Variants in SENP7 observed in about 807,000 individuals in gnomAD.
The protein encoded by SENP7 is SUMO specific peptidase 7.
A neutral mutation model predicts 141.2 loss-of-function variants in SENP7; 64 were observed. The observed-to-expected ratio is 0.45, with a 90% CI of 0.37 to 0.56. The LOEUF is 0.56. SENP7 is among the 20% of genes least tolerant of loss of function. SENP7 has a pLI of 0.00. For synonymous variants in SENP7, 382 were observed against 426.4 expected, an observed-to-expected ratio of 0.90 and a Z score of 1.28; for missense variants, 1,025 against 1,212.2, an observed-to-expected ratio of 0.85 and a Z score of 2.29.
intron 7 of SENP7, among the ~76,000 whole-genome samples, chr3:101,370,793 A>G (rs2060157128): frequency 6.6e-6 from 1 of 152,200 alleles, no homozygotes; most frequent in South Asian, 2.1e-4. Context: ...CACATTCTCC[A>G]AAGACTGCCT....
At chr3:101,455,007 C>T (rs1189673136) in intron 4 of SENP7, among the ~76,000 whole-genome samples, 2 of 151,928 alleles carry the variant, frequency 1.3e-5, no homozygotes, top group African/African-American at 4.8e-5. Flanking sequence ...AATTATATCA[C>T]AATAAAACTT....
chr3:101,340,061 TA>T, intron 16 of SENP7, 33 bp downstream of exon 16: 1 of 1,509,414 alleles, frequency 6.6e-7, no homozygotes, highest in Non-Finnish European at 8.8e-7. Context: ...GTAAAATCTG[TA>T]AAATATGTAG....
intron 9 of SENP7, among the ~76,000 whole-genome samples, chr3:101,365,634 CA>C (rs1010380283): frequency 0.25 from 15,361 of 62,394 alleles, 351 homozygotes; most frequent in Non-Finnish European, 0.28. Context: ...GACTCTGTCT[CA>C]AAAAAAAAAA....
intron 3 of SENP7, among the ~76,000 whole-genome samples, chr3:101,482,573 T>C (rs1382674305): frequency 2.0e-5 from 3 of 152,066 alleles, no homozygotes; most frequent in Non-Finnish European, 4.4e-5. Flanking sequence ...ACTAGAAAGT[T>C]TATAGAGAAG....
intron 4 of SENP7, among the ~76,000 whole-genome samples, chr3:101,428,162 T>C (rs1408843443): frequency 1.3e-5 from 2 of 152,252 alleles, no homozygotes; most frequent in Non-Finnish European, 2.9e-5. Flanking sequence ...AACATACATG[T>C]GCATGTGTCT....
intron 4 of SENP7, among the ~76,000 whole-genome samples, chr3:101,430,526 T>G (rs574108515): frequency 6.6e-6 from 1 of 152,348 alleles, no homozygotes; most frequent in Non-Finnish European, 1.5e-5. Flanking sequence ...GTGGGATCGG[T>G]GGTGATATCC....
At chr3:101,414,577 C>T (rs796454770) in intron 5 of SENP7, 1 of 1,522,612 alleles carries the variant, frequency 6.6e-7, no homozygotes, top group Non-Finnish European at 9.0e-7. Flanking sequence ...CCACATGCAC[C>T]TCATCCCAAC....
chr3:101,470,721 G>A (rs2063955114), intron 3 of SENP7, among the ~76,000 whole-genome samples: 1 of 152,200 alleles, frequency 6.6e-6, no homozygotes, highest in Admixed American at 6.5e-5. Flanking sequence ...GTCCCTGTTT[G>A]CAGATGACAT....
chr3:101,504,944 AG>A (rs1434059660), intron 1 of SENP7, among the ~76,000 whole-genome samples: 2 of 152,110 alleles, frequency 1.3e-5, no homozygotes, highest in African/African-American at 4.8e-5. Context: ...GCTTGAGCCC[AG>A]GAGGTCAAGG....
At chr3:101,380,436 C>A (rs1365404726) in intron 6 of SENP7, among the ~76,000 whole-genome samples, 3 of 10,520 alleles carry the variant, frequency 2.9e-4, no homozygotes, top group Non-Finnish European at 3.4e-4. Flanking sequence ...CAAACCACCG[C>A]CCCCCCCCCC....
chr3:101,394,243 T>C (rs1043655706), intron 6 of SENP7, among the ~76,000 whole-genome samples: 7 of 152,162 alleles, frequency 4.6e-5, no homozygotes, highest in African/African-American at 1.7e-4. Flanking sequence ...TGTAATGACC[T>C]CTAGTTCCAT....
chr3:101,415,892 C>T (rs1270711568), intron 5 of SENP7, among the ~76,000 whole-genome samples: 1 of 152,144 alleles, frequency 6.6e-6, no homozygotes, highest in Non-Finnish European at 1.5e-5. Context: ...GATATATTTT[C>T]CTAGTGGTTT....
At chr3:101,357,634 T>C in intron 11 of SENP7, 2 of 816,952 alleles carry the variant, frequency 2.4e-6, no homozygotes, top group South Asian at 1.4e-5. Context: ...ACAAAAGCGG[T>C]TATAATGGAC....
chr3:101,470,246 T>C (rs534682769), intron 3 of SENP7, among the ~76,000 whole-genome samples: 6 of 151,916 alleles, frequency 3.9e-5, no homozygotes, highest in South Asian at 2.1e-4. Flanking sequence ...CTGAAGGAGA[T>C]AGAGACACAA....
chr3:101,356,624 T>C (rs1381553603), intron 11 of SENP7, among the ~76,000 whole-genome samples: 1 of 152,232 alleles, frequency 6.6e-6, no homozygotes, highest in Non-Finnish European at 1.5e-5. Flanking sequence ...TTCTTTGATA[T>C]TTACATAGAA....
chr3:101,468,714 A>G (rs952851773), intron 3 of SENP7, among the ~76,000 whole-genome samples: 1 of 152,144 alleles, frequency 6.6e-6, no homozygotes, highest in African/African-American at 2.4e-5. Flanking sequence ...GGAAGCACTA[A>G]ACATGGAAAG....
intron 23 of SENP7, among the ~76,000 whole-genome samples, chr3:101,326,470 G>A (rs1297540103): frequency 1.3e-5 from 2 of 152,052 alleles, no homozygotes; most frequent in Non-Finnish European, 2.9e-5. Flanking sequence ...TAACTCTCAT[G>A]CTTTCAAAGT....
rs1443943704 is a variant in SENP7, at chr3:101,361,764, G to C, written c.1574C>G (p.Thr525Ser). The change falls in exon 11 of 24, where the codon ACT (threonine) becomes AGT (serine). Residue 525 changes from threonine to serine, a missense_variant. Physicochemically the swap from Thr to Ser is moderately conservative, Grantham distance 58. Transcript: ENST00000394095. ...TTTTATTTTACCAATATAAACAGAA[G>C]TAAATATAAAATCCAGTTGTAGATC... ...EMDLQLDFIF[T>S]SVYIGKIKGA... 1 of 1,604,400 alleles carries C rather than the reference G, an allele frequency of 6.2e-7. No homozygotes were observed. Among genetic ancestry groups the C allele is most frequent in the Non-Finnish European group, 8.5e-7 (1 of 1,176,592 alleles).
intron 16 of SENP7, 24 bp downstream of exon 16, chr3:101,340,071 A>G: frequency 1.3e-6 from 2 of 1,536,394 alleles, no homozygotes; most frequent in Non-Finnish European, 1.7e-6. Flanking sequence ...TAAAATATGT[A>G]GGATCATTTA....
Sources: gnomAD v4.1 joint callset for allele counts (sites outside exome capture counted in the v4.1 genomes callset) on GRCh38, gnomAD v4.1.1 for gene constraint, MANE v1.5 for transcripts, NCBI Gene and HGNC (gene_info 2026-07-23, HGNC 2026-07-21) for gene names.